SPAG16: variants seen among roughly 807,000 people sequenced by gnomAD.
The protein encoded by SPAG16 is sperm-associated antigen 16 protein.
In SPAG16, 86 loss-of-function variants were observed where a neutral mutation model predicts 80.4. The observed-to-expected ratio is 1.07, with a 90% CI of 0.90 to 1.28. The LOEUF (loss-of-function observed/expected upper bound fraction) is 1.28. SPAG16 is among the 50% of genes most tolerant of loss of function. The pLI is 0.00. For missense variants in SPAG16, 870 were observed against 765.3 expected, an observed-to-expected ratio of 1.14 and a Z score of -1.61; for synonymous variants, 294 against 265.9, an observed-to-expected ratio of 1.11 and a Z score of -1.03.
intron 10 of SPAG16, among the ~76,000 whole-genome samples, chr2:213,649,537 A>G (rs1356248210): frequency 2.0e-5 from 3 of 152,208 alleles, no homozygotes; most frequent in Non-Finnish European, 4.4e-5. Flanking sequence ...GGGTAAAAAT[A>G]TATTTTATTT....
rs1176466336 is a variant in SPAG16 at position 214,088,305 on chromosome 2, A to G, written c.1528-19891A>G. 3.9e-5 allele frequency among the ~76,000 whole-genome samples: 6 copies of G among 151,946 alleles called. No homozygotes were observed. The South Asian group carries it at 1.0e-3, about 26-fold the overall frequency. On this transcript the variant is annotated intron_variant, in intron 13 of 15. Coordinates refer to ENST00000331683, the MANE Select transcript of SPAG16 (RefSeq NM_024532.5). ...TTCTGAAGAAAGTGCAACCATACCT[A>G]TTCCCAATCTTACTTAACATCTGCA... is the stretch of plus-strand genomic sequence containing the variant.
intron 10 of SPAG16, among the ~76,000 whole-genome samples, chr2:213,644,239 A>C (rs1204555813): frequency 6.6e-6 from 1 of 151,950 alleles, no homozygotes; most frequent in African/African-American, 2.4e-5. Context: ...CAGAATTCTG[A>C]ATTCCTTCTC....
chr2:214,103,807 G>C (rs1175403174), intron 13 of SPAG16, among the ~76,000 whole-genome samples: 1 of 152,088 alleles, frequency 6.6e-6, no homozygotes, highest in Admixed American at 6.6e-5. Context: ...GGCAGGGAGG[G>C]CTGGGTGAGA....
At chr2:214,284,794 ACT>A (rs1433785813) in intron 15 of SPAG16, among the ~76,000 whole-genome samples, 1 of 99,524 alleles carries the variant, frequency 1.0e-5, no homozygotes, top group African/African-American at 4.2e-5. Context: ...ATAATATTTT[ACT>A]CTGTGTGTGT....
chr2:213,768,884 G>C (rs2125545318), intron 10 of SPAG16, among the ~76,000 whole-genome samples: 1 of 152,220 alleles, frequency 6.6e-6, no homozygotes, highest in African/African-American at 2.4e-5. Context: ...AAAAACTTTA[G>C]AAAAGAGAAG....
At chr2:213,660,272 G>GT (rs1268686589) in intron 10 of SPAG16, among the ~76,000 whole-genome samples, 519 of 140,448 alleles carry the variant, frequency 3.7e-3, no homozygotes, top group East Asian at 0.01. Context: ...TAGTGTTGTT[G>GT]TTTTTTTTTT....
intron 9 of SPAG16, among the ~76,000 whole-genome samples, chr2:213,394,406 A>G (rs2067930972): frequency 1.3e-5 from 2 of 152,178 alleles, no homozygotes; most frequent in African/African-American, 4.8e-5. Context: ...ATTCACATAC[A>G]TATGTAAGAT....
intron 13 of SPAG16, among the ~76,000 whole-genome samples, chr2:214,058,828 A>G (rs1196620649): frequency 6.6e-6 from 1 of 152,140 alleles, no homozygotes; most frequent in Non-Finnish European, 1.5e-5. Context: ...AGAAATTTCC[A>G]TTAGCTTCTG....
chr2:213,709,701 G>A (rs991637891), intron 10 of SPAG16, among the ~76,000 whole-genome samples: 3 of 151,948 alleles, frequency 2.0e-5, no homozygotes, highest in Non-Finnish European at 2.9e-5. Context: ...AAAAAACATG[G>A]AGAATATAGT....
At chr2:214,375,357 A>G (rs1318801750) in intron 15 of SPAG16, among the ~76,000 whole-genome samples, 3 of 152,174 alleles carry the variant, frequency 2.0e-5, no homozygotes, top group African/African-American at 7.2e-5. Flanking sequence ...GTTGCCAATA[A>G]CCAGTTTACG....
At chr2:213,313,554 A>C (rs114376858) in intron 4 of SPAG16, among the ~76,000 whole-genome samples, 2 of 151,826 alleles carry the variant, frequency 1.3e-5, no homozygotes, top group African/African-American at 2.4e-5. Flanking sequence ...GGCAGAGTCA[A>C]CCTAGGACAT....
chr2:214,297,790 C>G (rs562153554), intron 15 of SPAG16, among the ~76,000 whole-genome samples: 1 of 141,826 alleles, frequency 7.1e-6, no homozygotes, highest in African/African-American at 2.6e-5. Context: ...CAGCTTTGTT[C>G]TTTTTGCTTA....
chr2:213,673,763 C>T (rs1559363883), intron 10 of SPAG16, among the ~76,000 whole-genome samples: 1 of 151,410 alleles, frequency 6.6e-6, no homozygotes, highest in Non-Finnish European at 1.5e-5. Flanking sequence ...TCCCAATAAG[C>T]CTAAATTAAT....
chr2:213,628,374 C>T (rs546513846), intron 10 of SPAG16, among the ~76,000 whole-genome samples: 3 of 152,294 alleles, frequency 2.0e-5, no homozygotes, highest in African/African-American at 7.2e-5. Flanking sequence ...CCCTTCTGTG[C>T]ACTAAAATTA....
At chr2:214,407,978 G>T (rs1157468755) in intron 15 of SPAG16, among the ~76,000 whole-genome samples, 1 of 148,748 alleles carries the variant, frequency 6.7e-6, no homozygotes, top group Non-Finnish European at 1.5e-5. Context: ...TTCTGAAAAT[G>T]AATTCAGGTA....
At chr2:213,360,869 A>T (rs2125105350) in intron 7 of SPAG16, among the ~76,000 whole-genome samples, 1 of 152,296 alleles carries the variant, frequency 6.6e-6, no homozygotes, top group Non-Finnish European at 1.5e-5. Context: ...ACGCTTTGAG[A>T]ATTCATTTCC....
At chr2:213,387,012 A>C (rs984356692) in intron 9 of SPAG16, among the ~76,000 whole-genome samples, 16 of 152,186 alleles carry the variant, frequency 1.1e-4, no homozygotes, top group African/African-American at 3.9e-4. Flanking sequence ...ATACATGTGA[A>C]ACTTTCAGTG....
chr2:213,896,555 G>A (rs1305112558), intron 11 of SPAG16, among the ~76,000 whole-genome samples: 5 of 139,714 alleles, frequency 3.6e-5, no homozygotes, highest in African/African-American at 1.3e-4. Context: ...TCCATCAATG[G>A]TTAAATGGAT....
At chr2:213,311,245 T>C (rs934131724) in intron 4 of SPAG16, among the ~76,000 whole-genome samples, 2 of 151,678 alleles carry the variant, frequency 1.3e-5, no homozygotes, top group African/African-American at 4.8e-5. Flanking sequence ...AAAATATCCC[T>C]AAGAAATATA....
Sources: allele counts gnomAD v4.1 joint callset (sites outside exome capture counted in the v4.1 genomes callset), GRCh38; gene constraint gnomAD v4.1.1; transcripts MANE v1.5; gene names NCBI Gene and HGNC (gene_info 2026-07-23, HGNC 2026-07-21).